Variants in CFAP20DC observed in about 807,000 individuals in gnomAD.
CFAP20DC encodes protein CFAP20DC.
CFAP20DC carries 84 observed loss-of-function variants against 101.7 expected under a neutral mutation model. That is an observed-to-expected ratio of 0.83 (90% CI 0.69 to 0.99). The LOEUF is 0.99. Ranked by LOEUF, CFAP20DC falls within the 50% of genes least tolerant of loss-of-function variation. The probability of loss-of-function intolerance (pLI) is 0.00; values close to 1 mark genes in which losing one functional copy is unlikely to be tolerated. For missense variants in CFAP20DC, 1,007 were observed against 970.3 expected, an observed-to-expected ratio of 1.04 and a Z score of -0.50; for synonymous variants, 359 against 351.2, an observed-to-expected ratio of 1.02 and a Z score of -0.25.
chr3:58,923,262 A>G (rs1197699103), intron 5 of CFAP20DC, among the ~76,000 whole-genome samples: 1 of 152,224 alleles, frequency 6.6e-6, no homozygotes, highest in Admixed American at 6.5e-5. Flanking sequence ...AACGAATTGT[A>G]ATAATGAATG....
At chr3:58,951,399 A>T (rs1042751389) in intron 4 of CFAP20DC, among the ~76,000 whole-genome samples, 3 of 152,234 alleles carry the variant, frequency 2.0e-5, no homozygotes, top group Non-Finnish European at 4.4e-5. Flanking sequence ...CAGCCATCCC[A>T]TTACTGGGTA....
Position 58,717,505 on chromosome 3 carries a change from A to G in CFAP20DC, c.*83T>C, listed in dbSNP as rs72879794. 1,016 of 388,362 alleles carry G rather than the reference A, an allele frequency of 2.6e-3. 12 individuals carry two copies. Among genetic ancestry groups the G allele is most frequent in the African/African-American group, 0.019 (898 of 46,926 alleles). 24.1% of individuals were successfully genotyped at this position (388,362 alleles called of 1,614,324 possible). ...TGTGTTCTGGAAACTGTAGTTCAGGATGAGTATAGATGCTCAAGGAAGAAG... is the reference window on the plus strand; with the variant it reads ...TGTGTTCTGGAAACTGTAGTTCAGGGTGAGTATAGATGCTCAAGGAAGAAG... On this transcript the variant is annotated 3_prime_UTR_variant, in exon 4 of 4. Transcript: ENST00000486145. The surrounding 1 kb of genome is among the most constrained non-coding windows in gnomAD (Gnocchi z 4.1).
Position 58,868,517 on chromosome 3 carries a change from T to C in CFAP20DC, c.1016-581A>G, listed in dbSNP as rs2079879091. 6.6e-6 allele frequency among the ~76,000 whole-genome samples: 1 copy of C among 152,156 alleles called. No homozygotes were observed. Among genetic ancestry groups the C allele is most frequent in the Non-Finnish European group, 1.5e-5 (1 of 68,004 alleles). The stretch of plus-strand genomic sequence containing the variant: ...CAATGACCCTTTGAGGCACCTGTTA[T>C]TTATTATTAGTATTAGTGCCAGTAG... On this transcript the variant is annotated intron_variant, in intron 9 of 16. Coordinates refer to ENST00000482387, the MANE Select transcript of CFAP20DC (RefSeq NM_001394063.1). This position sits in a 1 kb window ranked among gnomAD's most constrained non-coding sequence, Gnocchi z 4.6.
At chr3:58,951,278 G>C (rs1001424169) in intron 4 of CFAP20DC, among the ~76,000 whole-genome samples, 3 of 152,204 alleles carry the variant, frequency 2.0e-5, no homozygotes, top group Non-Finnish European at 4.4e-5. Flanking sequence ...AGAGGATGTG[G>C]AGAAATAGGA....
chr3:58,980,074 T>C (rs887321862), intron 4 of CFAP20DC, among the ~76,000 whole-genome samples: 5 of 152,148 alleles, frequency 3.3e-5, no homozygotes, highest in East Asian at 1.9e-4. Context: ...ACCACTGCCA[T>C]AGTTGAAAGC....
intron 6 of CFAP20DC, among the ~76,000 whole-genome samples, chr3:58,904,828 GTCAGTGTTTCTAGATTC>G (rs1374661661): frequency 1.3e-5 from 2 of 152,122 alleles, no homozygotes; most frequent in African/African-American, 4.8e-5. Context: ...AAGGCTAGAT[GTCAGTGTTTCTAGATTC>G]TCCGTGGCTT....
intron 16 of CFAP20DC, among the ~76,000 whole-genome samples, chr3:58,743,164 T>A (rs1453948218): frequency 6.6e-6 from 1 of 151,982 alleles, no homozygotes; most frequent in African/African-American, 2.4e-5. Context: ...GGATAGAACA[T>A]GGCTTGATGT....
Position 58,742,532 on chromosome 3 carries a change from CAGTA to C in CFAP20DC, c.2369_2372del (p.Val790GlyfsTer9). 6.2e-7 allele frequency: 1 copy of C among 1,608,792 alleles called. No individual in the cohort carries two copies. Among genetic ancestry groups the C allele is most frequent in the South Asian group, 1.1e-5 (1 of 89,802 alleles). On this transcript the variant is annotated frameshift_variant, in exon 17 of 17. Transcript: ENST00000482387. LOFTEE classifies it high-confidence loss of function. The stretch of plus-strand genomic sequence containing the variant: ...TCAGACAAGGGTCATACAACAAAGT[CAGTA>C]CTTCCTCGTCCTCTTCCACACTGAG...
At chr3:59,004,918 A>T (rs2093400937) in intron 4 of CFAP20DC, among the ~76,000 whole-genome samples, 1 of 152,206 alleles carries the variant, frequency 6.6e-6, no homozygotes, top group Non-Finnish European at 1.5e-5. Context: ...TAACAATGAG[A>T]TTCCTAACTA....
chr3:58,804,480 A>T (rs1387937298), intron 15 of CFAP20DC, among the ~76,000 whole-genome samples: 1 of 151,468 alleles, frequency 6.6e-6, no homozygotes, highest in East Asian at 2.0e-4. Context: ...CTTGTGCCTC[A>T]GCCTCCTGAG....
intron 3 of CFAP20DC, among the ~76,000 whole-genome samples, chr3:59,044,737 A>T (rs1699704160): frequency 6.6e-6 from 1 of 152,106 alleles, no homozygotes; most frequent in Non-Finnish European, 1.5e-5. Flanking sequence ...GAGGGCATTA[A>T]ATGAAAATAC....
intron 4 of CFAP20DC, among the ~76,000 whole-genome samples, chr3:59,024,381 C>T (rs2093855665): frequency 6.6e-6 from 1 of 152,206 alleles, no homozygotes; most frequent in East Asian, 1.9e-4. Flanking sequence ...TCAACAGTAG[C>T]CTCATTGGGA....
In CFAP20DC at chr3:58,723,423, C is replaced by T. The variant is rs534165700; in HGVS notation, c.198-5795G>A. Among the ~76,000 whole-genome samples the T allele has an allele frequency of 2.1e-4, 32 of 152,264 alleles. No individual in the cohort carries two copies. In the South Asian group the frequency reaches 5.4e-3, roughly 26 times the overall value. Reference sequence around the variant, plus strand: ...TCACTTTCAACAATTTTACTAGTTGCGCAACAGTAAGATGAAAGAACACAT... The same window carrying T: ...TCACTTTCAACAATTTTACTAGTTGTGCAACAGTAAGATGAAAGAACACAT... On this transcript the variant is annotated intron_variant, in intron 3 of 3. Coordinates refer to the CFAP20DC transcript ENST00000486145.
rs1186303940 is a variant in CFAP20DC at position 58,788,283 on chromosome 3, G to C, written c.2237+18112C>G. Among the ~76,000 whole-genome samples the C allele has an allele frequency of 2.0e-5, 3 of 152,076 alleles. No individual in the cohort carries two copies. Among genetic ancestry groups the C allele is most frequent in the African/African-American group, 7.2e-5 (3 of 41,414 alleles). The stretch of plus-strand genomic sequence containing the variant: ...GGTTGATTTGGGGCCGTCTATTGGA[G>C]ATGGATGTTTCTAATATAATGGGCC... On this transcript the variant is annotated intron_variant, in intron 15 of 16. Coordinates refer to ENST00000482387, the MANE Select transcript of CFAP20DC (RefSeq NM_001394063.1). This position sits in a 1 kb window ranked among gnomAD's most constrained non-coding sequence, Gnocchi z 4.2.
chr3:58,860,082 CAGG>C (rs1312360759), intron 12 of CFAP20DC, among the ~76,000 whole-genome samples: 1 of 146,666 alleles, frequency 6.8e-6, no homozygotes, highest in Non-Finnish European at 1.5e-5. Flanking sequence ...GAGGCTTAAG[CAGG>C]AGAATTGCTT....
At chr3:58,758,345 G>C (rs2069155760) in intron 15 of CFAP20DC, among the ~76,000 whole-genome samples, 1 of 152,032 alleles carries the variant, frequency 6.6e-6, no homozygotes, top group African/African-American at 2.4e-5. Flanking sequence ...TTCAAGGAAT[G>C]GGGAGTTCTA....
At chr3:58,856,062 C>T (rs1417558468) in intron 12 of CFAP20DC, among the ~76,000 whole-genome samples, 1 of 148,498 alleles carries the variant, frequency 6.7e-6, no homozygotes, top group African/African-American at 2.6e-5. Context: ...AGAGATTTTC[C>T]AGTTAAAAAT....
chr3:58,995,856 T>C (rs1264723640), intron 4 of CFAP20DC, among the ~76,000 whole-genome samples: 1 of 152,170 alleles, frequency 6.6e-6, no homozygotes, highest in East Asian at 1.9e-4. Flanking sequence ...CTTCCAGTTG[T>C]CAGGCCTTCA....
intron 15 of CFAP20DC, among the ~76,000 whole-genome samples, chr3:58,768,600 A>G (rs1333399912): frequency 1.3e-5 from 2 of 152,214 alleles, no homozygotes; most frequent in African/African-American, 4.8e-5. Flanking sequence ...TCCTCTAGCC[A>G]ATCTGGTCTC....
Sources: allele counts gnomAD v4.1 joint callset (sites outside exome capture counted in the v4.1 genomes callset), GRCh38; gene constraint gnomAD v4.1.1; non-coding constraint Gnocchi (gnomAD v3.1); transcripts MANE v1.5; gene names NCBI Gene and HGNC (gene_info 2026-07-23, HGNC 2026-07-21).